MSR1: variants seen among roughly 807,000 people sequenced by gnomAD.
The protein encoded by MSR1 is macrophage scavenger receptor 1.
Under a neutral mutation model 47.2 loss-of-function variants are expected in MSR1, and 53 were observed. The ratio of observed to expected loss-of-function variants is 1.12; its 90% confidence interval spans 0.90 to 1.41. The LOEUF is 1.41. MSR1 is among the 40% of genes most tolerant of loss of function. MSR1 has a pLI of 0.00. For missense variants in MSR1, 786 were observed against 546.9 expected (o/e 1.44, Z -4.36); for synonymous variants, 239 against 185.6 (o/e 1.29, Z -2.34).
intron 3 of MSR1, 130 bp from the exon 4 acceptor site, chr8:16,169,000 C>G (rs1261007208): frequency 6.5e-6 from 6 of 928,606 alleles, no homozygotes; most frequent in Non-Finnish European, 9.8e-6. Context: ...TAGGCTAAAT[C>G]GAGTATTTTT....
intron 8 of MSR1, among the ~76,000 whole-genome samples, chr8:16,123,688 C>T (rs1282628817): frequency 2.7e-5 from 4 of 149,012 alleles, no homozygotes; most frequent in African/African-American, 4.9e-5. Context: ...GACTATGTGC[C>T]TAAACGATTT....
At chr8:16,153,562 TA>T (rs973692821) in intron 6 of MSR1, among the ~76,000 whole-genome samples, 106 of 146,886 alleles carry the variant, frequency 7.2e-4, no homozygotes, top group Admixed American at 4.0e-3. Flanking sequence ...TAATTTACAA[TA>T]AAAAAAAAAC....
At chr8:16,133,450 T>A (rs550922818) in intron 8 of MSR1, among the ~76,000 whole-genome samples, 1 of 152,240 alleles carries the variant, frequency 6.6e-6, no homozygotes, top group South Asian at 2.1e-4. Context: ...ATGAGAGAAA[T>A]GAGCAAGAGC....
At chr8:16,184,287 G>A (rs1801929628) in intron 1 of MSR1, among the ~76,000 whole-genome samples, 1 of 151,974 alleles carries the variant, frequency 6.6e-6, no homozygotes, top group Non-Finnish European at 1.5e-5. Context: ...TTAAAGGAGA[G>A]GGGTCCTGCA....
At chr8:16,156,252 C>T (rs757538849) in intron 5 of MSR1, among the ~76,000 whole-genome samples, 2 of 151,840 alleles carry the variant, frequency 1.3e-5, no homozygotes, top group African/African-American at 4.8e-5. Context: ...CATACATAGT[C>T]CAAGGAAAAC....
intron 8 of MSR1, among the ~76,000 whole-genome samples, chr8:16,135,208 G>A (rs1047853928): frequency 6.6e-6 from 1 of 152,160 alleles, no homozygotes; most frequent in Non-Finnish European, 1.5e-5. Context: ...CATACTTAGA[G>A]AGGAGTTCAT....
At chr8:16,168,372 A>G in intron 4 of MSR1, 86 bp downstream of exon 4, 1 of 1,418,154 alleles carries the variant, frequency 7.1e-7, no homozygotes, top group South Asian at 1.2e-5. Context: ...AGGGTTTGCA[A>G]CTTTTGCTTT....
intron 3 of MSR1, among the ~76,000 whole-genome samples, chr8:16,169,284 G>A (rs1446615361): frequency 6.6e-6 from 1 of 152,156 alleles, no homozygotes; most frequent in East Asian, 1.9e-4. Flanking sequence ...TGTTAACAAT[G>A]GCAGTGATAA....
intron 1 of MSR1, among the ~76,000 whole-genome samples, chr8:16,182,713 A>G (rs529251650): frequency 2.0e-5 from 3 of 152,212 alleles, no homozygotes; most frequent in South Asian, 2.1e-4. Flanking sequence ...TTCAGAAACA[A>G]TAACAGGCAT....
Position 16,178,006 on chromosome 8 carries a change from T to C in MSR1, c.-4-14A>G, listed in dbSNP as rs761894249. On this transcript the variant is annotated splice_polypyrimidine_tract_variant and intron_variant, in intron 1 of 9. Coordinates refer to ENST00000262101, the MANE Select transcript of MSR1 (RefSeq NM_138715.3). ...TGCTCCATACTTCTATGAAACAAAA[T>C]GGAAAAATATATTAATTCCACATGA... is the stretch of plus-strand genomic sequence containing the variant. The C allele has an allele frequency of 1.9e-6, 3 of 1,588,186 alleles. No homozygotes were observed. Among genetic ancestry groups the C allele is most frequent in the Admixed American group, 3.3e-5 (2 of 59,828 alleles).
chr8:16,149,639 C>G (rs543214903), intron 7 of MSR1, among the ~76,000 whole-genome samples: 1 of 152,216 alleles, frequency 6.6e-6, no homozygotes, highest in Non-Finnish European at 1.5e-5. Flanking sequence ...ACTGGCAGAG[C>G]TGATGGAAAT....
intron 9 of MSR1, among the ~76,000 whole-genome samples, chr8:16,114,175 G>A (rs1904577): frequency 0.74 from 111,816 of 151,672 alleles, 43,493 homozygotes; most frequent in Non-Finnish European, 0.87. Context: ...CATTCATTAA[G>A]GGATAGTTCA....
At chr8:16,141,724 T>C (rs145769221) in intron 8 of MSR1, among the ~76,000 whole-genome samples, 5 of 152,248 alleles carry the variant, frequency 3.3e-5, no homozygotes, top group African/African-American at 1.2e-4. Context: ...GAAAATACTG[T>C]AACTGAAAAC....
Position 16,164,221 on chromosome 8 carries a change from T to C in MSR1, c.661A>G (p.Asn221Asp), listed in dbSNP as rs1200357580. Residue 221 changes from asparagine (N) to aspartate (D), a missense_variant, in exon 5 of 10, where the codon AAT becomes GAT. By Grantham distance (23) the Asn-to-Asp change is conservative. Transcript: ENST00000262101. Reference sequence around the variant, plus strand: ...ATAGCCATAATTTCTGCTGATACATTGTAAACACGCTCCTCTAATTTACTG... The same window carrying C: ...ATAGCCATAATTTCTGCTGATACATCGTAAACACGCTCCTCTAATTTACTG... ...EISKLEERVYNVSAEIMAMKE... is the reference protein window; with the variant it reads ...EISKLEERVYDVSAEIMAMKE... 2 of 1,612,204 alleles carry C rather than the reference T, an allele frequency of 1.2e-6. No individual in the cohort carries two copies. Among genetic ancestry groups the C allele is most frequent in the Admixed American group, 3.3e-5 (2 of 59,960 alleles).
At chr8:16,145,631 A>G (rs1800675740) in intron 7 of MSR1, among the ~76,000 whole-genome samples, 1 of 152,120 alleles carries the variant, frequency 6.6e-6, no homozygotes, top group African/African-American at 2.4e-5. Context: ...AATTAGTTTC[A>G]TGTTTTTATT....
chr8:16,178,674 T>G (rs1042627125), intron 1 of MSR1, among the ~76,000 whole-genome samples: 1 of 152,156 alleles, frequency 6.6e-6, no homozygotes, highest in African/African-American at 2.4e-5. Context: ...CCTGAGGAAT[T>G]GCCACACTGA....
At chr8:16,131,141 G>C (rs1163682235) in intron 8 of MSR1, among the ~76,000 whole-genome samples, 1 of 152,044 alleles carries the variant, frequency 6.6e-6, no homozygotes, top group African/African-American at 2.4e-5. Flanking sequence ...CGTCACCACA[G>C]CATCTGTAAT....
chr8:16,158,629 T>C (rs1296059639), intron 5 of MSR1, among the ~76,000 whole-genome samples: 1 of 149,156 alleles, frequency 6.7e-6, no homozygotes, highest in Non-Finnish European at 1.5e-5. Flanking sequence ...AACCTGCTTC[T>C]TTTTTTTTTC....
chr8:16,161,972 A>G (rs1222767850), intron 5 of MSR1, among the ~76,000 whole-genome samples: 3 of 152,022 alleles, frequency 2.0e-5, no homozygotes, highest in East Asian at 1.9e-4. Context: ...AGAACATCCA[A>G]TATGAATTTC....
Sources: allele counts gnomAD v4.1 joint callset (sites outside exome capture counted in the v4.1 genomes callset), GRCh38; gene constraint gnomAD v4.1.1; transcripts MANE v1.5; gene names NCBI Gene and HGNC (gene_info 2026-07-23, HGNC 2026-07-21).